STRA6: variants seen among roughly 807,000 people sequenced by gnomAD.
The protein encoded by STRA6 is signaling receptor and transporter of retinol STRA6, also known as receptor for retinol uptake STRA6.
STRA6 carries 48 observed loss-of-function variants against 83.6 expected under a neutral mutation model. The ratio of observed to expected loss-of-function variants is 0.57; its 90% confidence interval spans 0.46 to 0.73. The LOEUF is 0.73. STRA6 is among the 30% of genes least tolerant of loss of function. The probability of loss-of-function intolerance (pLI) is 0.00; values close to 1 mark genes in which losing one functional copy is unlikely to be tolerated. For missense variants in STRA6, 760 were observed against 838.8 expected (o/e 0.91, Z 1.16); for synonymous variants, 353 against 362.3 (o/e 0.97, Z 0.29).
intron 11 of STRA6, among the ~76,000 whole-genome samples, chr15:74,190,585 A>C (rs927171894): frequency 2.6e-5 from 4 of 152,150 alleles, no homozygotes; most frequent in African/African-American, 9.7e-5. Context: ...GCCACACAGG[A>C]GGTAAATAGT....
In STRA6 at chr15:74,185,554, G is replaced by A. The variant is rs543112175; in HGVS notation, c.1091-499C>T. On this transcript the variant is annotated intron_variant, in intron 12 of 18. Transcript: ENST00000395105. ...GGCATAGAGGGTGTGAGTCCACATC[G>A]GTGTGGACTGAGTCCATCAGAATAG... Among the ~76,000 whole-genome samples, 20 of 152,334 alleles carry A rather than the reference G, an allele frequency of 1.3e-4. 1 individual carries two copies. In the South Asian group the frequency reaches 1.7e-3, roughly 13 times the overall value.
chr15:74,184,557 G>C (rs2073149845), intron 13 of STRA6, among the ~76,000 whole-genome samples: 1 of 152,160 alleles, frequency 6.6e-6, no homozygotes, highest in South Asian at 2.1e-4. Context: ...ATGCCACCAG[G>C]CTACCCCTCA....
upstream of STRA6, chr15:74,202,884 T>C: frequency 2.0e-5 from 20 of 1,004,746 alleles, no homozygotes; most frequent in South Asian, 4.6e-5. Context: ...AAATACACCA[T>C]AATCCTTGAC....
At chr15:74,191,558 A>G (rs2073540895) in intron 8 of STRA6, 67 bp from the exon 9 acceptor site, 4 of 1,367,860 alleles carry the variant, frequency 2.9e-6, no homozygotes, top group Non-Finnish European at 1.0e-6. Flanking sequence ...TCCCTGGCTC[A>G]GGGAACTAGA....
upstream of STRA6, chr15:74,209,416 G>C: frequency 3.9e-6 from 6 of 1,535,636 alleles, no homozygotes; most frequent in Non-Finnish European, 5.2e-6. Context: ...ATTGCCAGAG[G>C]GGAACCACCA....
At chr15:74,208,579 G>A (rs151287532) in intron 1 of STRA6, among the ~76,000 whole-genome samples, 6 of 152,224 alleles carry the variant, frequency 3.9e-5, no homozygotes, top group Non-Finnish European at 4.4e-5. Context: ...AATGTCTCCT[G>A]CCTTTTGGAG....
rs768920557 is a variant in STRA6 at position 74,191,203 on chromosome 15, C to T, written c.829G>A (p.Val277Ile). 7.4e-6 allele frequency: 12 copies of T among 1,613,924 alleles called. No homozygotes were observed. The highest frequency in any genetic ancestry group is 6.7e-5 in the East Asian group (3 of 44,864). ...SKHGFLSWARVCLRHCIYTPQ... is the reference protein window; with the variant it reads ...SKHGFLSWARICLRHCIYTPQ... The stretch of plus-strand genomic sequence containing the variant: ...GTGTAGATGCAGTGTCTCAAGCAGA[C>T]GCGGGCCCAGGACAGGAAGCCATGC... Residue 277 changes from valine (V) to isoleucine (I), a missense_variant, in exon 10 of 19, where the codon GTC (valine) becomes ATC (isoleucine). Physicochemically the swap from Val to Ile is conservative, Grantham distance 29. Coordinates refer to ENST00000395105, the MANE Select transcript of STRA6 (RefSeq NM_022369.4).
chr15:74,206,102 G>A (rs535899751), upstream of STRA6, among the ~76,000 whole-genome samples: 2 of 152,290 alleles, frequency 1.3e-5, no homozygotes, highest in Admixed American at 6.5e-5. Flanking sequence ...TTCTCCAGTT[G>A]TGAACTCTCC....
chr15:74,194,390 G>T, intron 7 of STRA6: 3 of 1,062,668 alleles, frequency 2.8e-6, no homozygotes, highest in Non-Finnish European at 3.4e-6. Context: ...TCATTTATTT[G>T]TTGGTTCAAT....
At chr15:74,199,347 G>A (rs1486723985) in intron 2 of STRA6, among the ~76,000 whole-genome samples, 1 of 152,086 alleles carries the variant, frequency 6.6e-6, no homozygotes, top group Non-Finnish European at 1.5e-5. Context: ...GCTCTGGGCA[G>A]CTTCTTGGCC....
exon 1 of STRA6, chr15:74,209,007 C>T (rs539824043): frequency 2.8e-6 from 3 of 1,056,216 alleles, no homozygotes; most frequent in South Asian, 3.6e-5. Context: ...GTCCCCAGCA[C>T]CTGCTTTAAA....
upstream of STRA6, among the ~76,000 whole-genome samples, chr15:74,204,941 A>C (rs1357259195): frequency 1.4e-5 from 1 of 71,692 alleles, no homozygotes; most frequent in East Asian, 3.9e-4. Context: ...TCTCAAAAAA[A>C]AAGAAAGAAA....
intron 2 of STRA6, 135 bp downstream of exon 2, chr15:74,202,020 A>G (rs2074091568): frequency 2.7e-6 from 3 of 1,115,170 alleles, no homozygotes; most frequent in Non-Finnish European, 3.5e-6. Context: ...GACTTGCCCA[A>G]GGTCACACAG....
In STRA6 at chr15:74,194,339, G is replaced by A. The variant is rs570308882; in HGVS notation, c.598-417C>T. 1.0e-4 allele frequency: 109 copies of A among 1,090,648 alleles called. No individual in the cohort carries two copies. The African/African-American group carries it at 1.6e-3, about 16-fold the overall frequency. 67.6% of individuals were successfully genotyped at this position (1,090,648 alleles called of 1,614,324 possible). On this transcript the variant is annotated intron_variant, in intron 7 of 18. Coordinates refer to ENST00000395105, the MANE Select transcript of STRA6 (RefSeq NM_022369.4). Reference sequence around the variant, plus strand: ...AGGAAAGTCTATGCCCTACTCCTCAGGGCTGAGGCCTTCCTGGGGGTGGGC... The same window carrying A: ...AGGAAAGTCTATGCCCTACTCCTCAAGGCTGAGGCCTTCCTGGGGGTGGGC...
chr15:74,203,332 C>T (rs1041053897), upstream of STRA6: 3 of 406,940 alleles, frequency 7.4e-6, no homozygotes, highest in African/African-American at 6.5e-5. Context: ...CCTCCTGCTC[C>T]TCCTGGAGTG....
rs1046596619 is a variant in STRA6, at chr15:74,179,944, C to G, written c.*136G>C. 41 of 1,242,400 alleles carry G rather than the reference C, an allele frequency of 3.3e-5. No individual in the cohort carries two copies. In the African/African-American group the frequency reaches 5.6e-4, roughly 17 times the overall value. 77.0% of individuals were successfully genotyped at this position (1,242,400 alleles called of 1,614,324 possible). On this transcript the variant is annotated 3_prime_UTR_variant, in exon 19 of 19. Coordinates refer to ENST00000395105, the MANE Select transcript of STRA6 (RefSeq NM_022369.4). ...GGCTCCCAGTGCAGACAGACCTCCA[C>G]CCAACCACAGTGATCCGGAGGACCT...
At chr15:74,189,419 G>T in intron 11 of STRA6, 142 bp from the exon 12 acceptor site, 2 of 1,268,072 alleles carry the variant, frequency 1.6e-6, no homozygotes, top group Non-Finnish European at 2.2e-6. Context: ...GCCCCTTAGA[G>T]CAGGGATCTC....
chr15:74,192,925 C>G (rs2073620359), intron 8 of STRA6, among the ~76,000 whole-genome samples: 1 of 152,192 alleles, frequency 6.6e-6, no homozygotes, highest in Non-Finnish European at 1.5e-5. Context: ...TCTGTCTCCC[C>G]CACCACACTG....
upstream of STRA6, among the ~76,000 whole-genome samples, chr15:74,210,177 TA>T (rs2074347578): frequency 6.6e-6 from 1 of 152,168 alleles, no homozygotes; most frequent in Admixed American, 6.5e-5. Flanking sequence ...AAGAGAAAAT[TA>T]ACCTTTGGCA....
Sources: gnomAD v4.1 joint callset for allele counts (sites outside exome capture counted in the v4.1 genomes callset) on GRCh38, gnomAD v4.1.1 for gene constraint, MANE v1.5 for transcripts, NCBI Gene and HGNC (gene_info 2026-07-23, HGNC 2026-07-21) for gene names.